Variants in MLN observed in about 807,000 individuals in gnomAD.
MLN encodes the protein promotilin.
MLN carries 14 observed loss-of-function variants against 13.3 expected under a neutral mutation model. The observed-to-expected ratio is 1.05, with a 90% CI of 0.69 to 1.64. The LOEUF (loss-of-function observed/expected upper bound fraction) is 1.64. MLN is among the 40% of genes most tolerant of loss of function. MLN has a pLI of 0.00. For missense variants in MLN, 122 were observed against 142.9 expected, an observed-to-expected ratio of 0.85 and a Z score of 0.75; for synonymous variants, 59 against 54.7, an observed-to-expected ratio of 1.08 and a Z score of -0.34.
At chr6:33,797,315 C>G (rs1767948911) in intron 3 of MLN, among the ~76,000 whole-genome samples, 1 of 152,242 alleles carries the variant, frequency 6.6e-6, no homozygotes, top group African/African-American at 2.4e-5. Context: ...ATGGCTCACC[C>G]AGGCCTAGCT....
At position 33,799,580 on chromosome 6, in the gene MLN, A is replaced by G. The variant is rs1767999845; in HGVS notation, c.118-359T>C. Among the ~76,000 whole-genome samples, 1 of 152,160 alleles carries G rather than the reference A, an allele frequency of 6.6e-6. No homozygotes were observed. The highest frequency in any genetic ancestry group is 1.5e-5 in the Non-Finnish European group (1 of 68,032). On this transcript the variant is annotated intron_variant, in intron 2 of 4. Coordinates refer to ENST00000430124, the MANE Select transcript of MLN (RefSeq NM_002418.3). The surrounding 1 kb of genome is among the most constrained non-coding windows in gnomAD (Gnocchi z 4.6). The stretch of plus-strand genomic sequence containing the variant: ...TGAAAATGTGTCTTTCTTAGCAGAG[A>G]GCCTATAAAAAAGGTAGTGAGACAG...
intron 3 of MLN, among the ~76,000 whole-genome samples, chr6:33,796,984 G>A (rs1265768169): frequency 6.6e-6 from 1 of 152,232 alleles, no homozygotes; most frequent in African/African-American, 2.4e-5. Flanking sequence ...CCAGCTGCTG[G>A]ATTCCCTCCC....
intron 1 of MLN, 47 bp from the exon 2 acceptor site, chr6:33,801,217 G>T: frequency 1.4e-6 from 2 of 1,406,964 alleles, no homozygotes; most frequent in Non-Finnish European, 2.0e-6. Context: ...GGGTACAGTG[G>T]CAGACTGCTG....
Position 33,799,315 on chromosome 6 carries a change from C to T in MLN, c.118-94G>A. 1 of 797,854 alleles carries T rather than the reference C, an allele frequency of 1.3e-6. No individual in the cohort carries two copies. Among genetic ancestry groups the T allele is most frequent in the Non-Finnish European group, 2.1e-6 (1 of 478,782 alleles). 49.4% of individuals were successfully genotyped at this position (797,854 alleles called of 1,614,324 possible). On this transcript the variant is annotated intron_variant, in intron 2 of 4. Transcript: ENST00000430124. This position sits in a 1 kb window ranked among gnomAD's most constrained non-coding sequence, Gnocchi z 4.6. ...CTCCATCTGCCCAGGGTGCTGTCTG[C>T]CCTGAGCTCCCTACAGACTGAAAGA...
rs376931713 is a variant in MLN at position 33,803,274 on chromosome 6, G to A, written c.-8+679C>T. Among the ~76,000 whole-genome samples the A allele has an allele frequency of 6.2e-4, 94 of 151,608 alleles. No homozygotes were observed. The highest frequency in any genetic ancestry group is 3.4e-3 in the Middle Eastern group (1 of 294). The stretch of plus-strand genomic sequence containing the variant: ...CTTGCCTCCCCATGTGCTCTCCCTC[G>A]GGGTCAACTTTTTCTTTTCCTTTTC... On this transcript the variant is annotated intron_variant, in intron 1 of 4. Transcript: ENST00000430124. This position sits in a 1 kb window ranked among gnomAD's most constrained non-coding sequence, Gnocchi z 4.5.
At chr6:33,800,970 C>G (rs1456166903) in intron 2 of MLN, 77 bp downstream of exon 2, 4 of 1,165,394 alleles carry the variant, frequency 3.4e-6, no homozygotes, top group Non-Finnish European at 5.1e-6. Context: ...TGGTCCTTTA[C>G]ACTTTCCTTG....
chr6:33,802,988 T>C (rs1414764329), intron 1 of MLN, among the ~76,000 whole-genome samples: 1 of 152,124 alleles, frequency 6.6e-6, no homozygotes. Context: ...TCCATAGGAA[T>C]CAATAAAAAC....
rs536879715 is a variant in MLN, at chr6:33,799,916, C to G, written c.118-695G>C. On this transcript the variant is annotated intron_variant, in intron 2 of 4. Transcript: ENST00000430124. This position sits in a 1 kb window ranked among gnomAD's most constrained non-coding sequence, Gnocchi z 4.6. ...CATTCCTTTGCTTTCTCTAATGACA[C>G]TCTTGGGACTCTGCTGTTGGCCTGC... 1.4e-3 allele frequency among the ~76,000 whole-genome samples: 218 copies of G among 152,334 alleles called. 2 individuals carry two copies. Among genetic ancestry groups the G allele is most frequent in the Non-Finnish European group, 1.2e-4 (8 of 68,032 alleles).
chr6:33,797,185 C>G (rs369848921), intron 3 of MLN, among the ~76,000 whole-genome samples: 1 of 152,232 alleles, frequency 6.6e-6, no homozygotes, highest in Non-Finnish European at 1.5e-5. Context: ...CCTGTGTGAC[C>G]GTGACAAGGC....
Position 33,803,588 on chromosome 6 carries a change from G to A in MLN, c.-8+365C>T, listed in dbSNP as rs1760903117. Among the ~76,000 whole-genome samples, 1 of 152,200 alleles carries A rather than the reference G, an allele frequency of 6.6e-6. No individual in the cohort carries two copies. The highest frequency in any genetic ancestry group is 6.5e-5 in the Admixed American group (1 of 15,288). ...CCCAAAATGCTGGGATTACAGGCAT[G>A]AGCCACTGCAGGGCCAAATTTTTCT... On this transcript the variant is annotated intron_variant, in intron 1 of 4. Transcript: ENST00000430124. This position sits in a 1 kb window ranked among gnomAD's most constrained non-coding sequence, Gnocchi z 4.5.
intron 3 of MLN, among the ~76,000 whole-genome samples, chr6:33,797,024 G>A (rs1404135064): frequency 1.3e-5 from 2 of 152,330 alleles, no homozygotes; most frequent in South Asian, 2.1e-4. Context: ...CAGGGAGTTC[G>A]GAGTGGATAT....
Position 33,794,831 on chromosome 6 carries a change from G to C in MLN, c.342C>G (p.Ala114=). The C allele has an allele frequency of 6.2e-7, 1 of 1,613,516 alleles. No homozygotes were observed. Among genetic ancestry groups the C allele is most frequent in the Non-Finnish European group, 8.5e-7 (1 of 1,179,714 alleles). Residue 114 remains alanine (A), a synonymous_variant, in exon 5 of 5, where the codon GCC becomes GCG. Coordinates refer to ENST00000430124, the MANE Select transcript of MLN (RefSeq NM_002418.3). ...LLSEMLPQHA[A]K ...CTTCTCCCCAGCGTGGCCATCACTT[G>C]GCTGCTGGAGAAAAGCAGAGGTTTG... is the stretch of plus-strand genomic sequence containing the variant.
In MLN at chr6:33,795,580, A is replaced by G. The variant is rs375384784; in HGVS notation, c.260T>C (p.Met87Thr). ...IKLTAPLEIG[M>T]RMNSRQLEKY... ...TTCCAGCTGTCTGGAGTTCATCCTC[A>G]TTCCAATTTCCAGAGGAGCAGTCAG... The change falls in exon 4 of 5, where the codon ATG becomes ACG. Residue 87 changes from methionine (M) to threonine (T), a missense_variant. Coordinates refer to ENST00000430124, the MANE Select transcript of MLN (RefSeq NM_002418.3). The G allele has an allele frequency of 1.3e-6, 2 of 1,561,552 alleles. No individual in the cohort carries two copies. Among genetic ancestry groups the G allele is most frequent in the Non-Finnish European group, 1.7e-6 (2 of 1,151,538 alleles).
At chr6:33,800,402 T>G (rs1582277547) in intron 2 of MLN, among the ~76,000 whole-genome samples, 1 of 152,216 alleles carries the variant, frequency 6.6e-6, no homozygotes, top group East Asian at 1.9e-4. Context: ...AGGCCTGCCT[T>G]TTTTTCTTCT....
In MLN at chr6:33,799,069, C is replaced by G; in HGVS notation, c.234+36G>C. ...CAGGCAGGGGAATGCATGCCCTGCT[C>G]TGAGTTTCTCTCCTTTGTCCCAGTT... On this transcript the variant is annotated intron_variant, in intron 3 of 4. Transcript: ENST00000430124. This position sits in a 1 kb window ranked among gnomAD's most constrained non-coding sequence, Gnocchi z 4.6. The G allele has an allele frequency of 1.4e-6, 2 of 1,474,242 alleles. No individual in the cohort carries two copies. The highest frequency in any genetic ancestry group is 1.9e-6 in the Non-Finnish European group (2 of 1,057,634). The allele number at this position is 1,474,242 out of a possible 1,614,324, so 91.3% of individuals were successfully genotyped here.
In MLN at chr6:33,794,785, G is replaced by C. The variant is rs748918059; in HGVS notation, c.*40C>G. ...TCCCAGGGCCTCACTTGGGCAGGAG[G>C]GGCCTCCCAAATCTGTCCACCTTCT... On this transcript the variant is annotated 3_prime_UTR_variant, in exon 5 of 5. Transcript: ENST00000430124. The C allele has an allele frequency of 6.2e-7, 1 of 1,612,252 alleles. No homozygotes were observed. The highest frequency in any genetic ancestry group is 1.7e-5 in the Admixed American group (1 of 59,602).
intron 1 of MLN, among the ~76,000 whole-genome samples, chr6:33,801,868 C>T (rs367934664): frequency 2.0e-5 from 3 of 152,204 alleles, no homozygotes; most frequent in East Asian, 3.8e-4. Flanking sequence ...TTCCTCTTTC[C>T]TCACACCCTG....
At chr6:33,795,671 T>G (rs759984955) in intron 3 of MLN, 66 bp from the exon 4 acceptor site, 41 of 1,370,188 alleles carry the variant, frequency 3.0e-5, no homozygotes, top group Non-Finnish European at 4.2e-5. Flanking sequence ...CTGGGTGCAC[T>G]ACAGGTGGCA....
rs375332340 is a variant in MLN at position 33,797,118 on chromosome 6, A to G, written c.235-1513T>C. Among the ~76,000 whole-genome samples the G allele has an allele frequency of 9.2e-5, 14 of 152,360 alleles. No homozygotes were observed. The East Asian group carries it at 9.6e-4, about 10-fold the overall frequency. ...TTTCTGGGCCCAACAGCACCGGGAA[A>G]GATCACTGGCCTGTGTCCAGTGGGA... On this transcript the variant is annotated intron_variant, in intron 3 of 4. Coordinates refer to ENST00000430124, the MANE Select transcript of MLN (RefSeq NM_002418.3).
Sources: gnomAD v4.1 joint callset for allele counts (sites outside exome capture counted in the v4.1 genomes callset) on GRCh38, gnomAD v4.1.1 for gene constraint, Gnocchi (gnomAD v3.1) non-coding constraint, MANE v1.5 for transcripts, NCBI Gene and HGNC (gene_info 2026-07-23, HGNC 2026-07-21) for gene names.